The following MPPED2 variants were observed in gnomAD, a reference collection of about 807,000 sequenced individuals.
MPPED2 encodes the protein metallophosphoesterase MPPED2.
Under a neutral mutation model 33.0 loss-of-function variants are expected in MPPED2, and 5 were observed. That is an observed-to-expected ratio of 0.15 (90% CI 0.08 to 0.32). The LOEUF (loss-of-function observed/expected upper bound fraction) is 0.32, where lower values mean the gene tolerates loss of function less well. Among genes scored for constraint, MPPED2 ranks in the 10% least tolerant of loss-of-function variants. The pLI, the probability that MPPED2 is intolerant of heterozygous loss-of-function variation, is 1.00. For synonymous variants in MPPED2, 136 were observed against 141.9 expected, an observed-to-expected ratio of 0.96 and a Z score of 0.29; for missense variants, 275 against 372.1, an observed-to-expected ratio of 0.74 and a Z score of 2.15.
At chr11:30,560,463 C>A (rs1956189823) in intron 2 of MPPED2, among the ~76,000 whole-genome samples, 1 of 152,092 alleles carries the variant, frequency 6.6e-6, no homozygotes, top group Non-Finnish European at 1.5e-5. Context: ...TCACTTGCTA[C>A]ACGGCATGAG....
At chr11:30,484,419 G>A (rs1590492513) in intron 4 of MPPED2, among the ~76,000 whole-genome samples, 2 of 151,952 alleles carry the variant, frequency 1.3e-5, no homozygotes, top group South Asian at 4.1e-4. Context: ...AAGCAAAACA[G>A]TCTTCCCATA....
intron 4 of MPPED2, among the ~76,000 whole-genome samples, chr11:30,486,523 T>G (rs966214668): frequency 1.3e-5 from 2 of 152,196 alleles, no homozygotes; most frequent in Admixed American, 6.5e-5. Flanking sequence ...CTACTTTGAC[T>G]GCAGCCTTGA....
chr11:30,461,609 G>T (rs1950521054), intron 4 of MPPED2, among the ~76,000 whole-genome samples: 1 of 152,044 alleles, frequency 6.6e-6, no homozygotes, highest in African/African-American at 2.4e-5. Context: ...GCCTGTTGCA[G>T]GATAAAAAGA....
chr11:30,504,657 C>T, intron 3 of MPPED2: 1 of 660,846 alleles, frequency 1.5e-6, no homozygotes. Context: ...AGGGCAAGCT[C>T]TGTCTCTGAC....
exon 7 of MPPED2, chr11:30,385,128 TG>T (rs1295709116): frequency 6.6e-6 from 1 of 152,166 alleles, no homozygotes. Context: ...TTGTAACGTG[TG>T]TGTAAGGGAC....
intron 4 of MPPED2, among the ~76,000 whole-genome samples, chr11:30,421,938 A>G (rs1371767613): frequency 2.0e-5 from 3 of 152,158 alleles, no homozygotes; most frequent in East Asian, 3.8e-4. Flanking sequence ...GTCTTTCCAC[A>G]AGACAGTGGC....
At chr11:30,397,998 T>C (rs1947859753) in intron 6 of MPPED2, among the ~76,000 whole-genome samples, 1 of 152,156 alleles carries the variant, frequency 6.6e-6, no homozygotes, top group African/African-American at 2.4e-5. Flanking sequence ...CTTCCTTGAC[T>C]TTGACCAATT....
chr11:30,554,653 C>A (rs1374817369), intron 2 of MPPED2, among the ~76,000 whole-genome samples: 1 of 151,974 alleles, frequency 6.6e-6, no homozygotes, highest in Non-Finnish European at 1.5e-5. Flanking sequence ...TGCCACGACG[C>A]CCAGCTAATT....
At chr11:30,575,312 C>A (rs1956880019) in intron 2 of MPPED2, among the ~76,000 whole-genome samples, 1 of 152,116 alleles carries the variant, frequency 6.6e-6, no homozygotes, top group East Asian at 1.9e-4. Context: ...AGCTGGTAGA[C>A]AATACCATAT....
chr11:30,487,566 C>T (rs78918820), intron 4 of MPPED2, among the ~76,000 whole-genome samples: 2,760 of 152,156 alleles, frequency 0.018, 85 homozygotes, highest in African/African-American at 0.063. Context: ...ATTGCAACAT[C>T]GACCTCCCAG....
At chr11:30,425,194 G>A (rs1565054480) in intron 4 of MPPED2, among the ~76,000 whole-genome samples, 1 of 152,106 alleles carries the variant, frequency 6.6e-6, no homozygotes. Flanking sequence ...CTACTCATGG[G>A]GGCTTCTTAA....
chr11:30,574,218 G>A (rs1420902721), intron 2 of MPPED2, among the ~76,000 whole-genome samples: 5 of 152,094 alleles, frequency 3.3e-5, no homozygotes, highest in African/African-American at 1.2e-4. Flanking sequence ...TGCCTATAGA[G>A]GTGGACCATT....
At chr11:30,422,888 T>C (rs559714981) in intron 4 of MPPED2, among the ~76,000 whole-genome samples, 1 of 152,108 alleles carries the variant, frequency 6.6e-6, no homozygotes, top group Admixed American at 6.5e-5. Flanking sequence ...GACCAAAGAC[T>C]CAGATGGATG....
At chr11:30,551,503 C>G (rs1026343410) in intron 2 of MPPED2, among the ~76,000 whole-genome samples, 1 of 152,072 alleles carries the variant, frequency 6.6e-6, no homozygotes, top group Non-Finnish European at 1.5e-5. Context: ...AAATAAATTC[C>G]TTTTAAAATA....
chr11:30,495,639 T>C (rs2134209289), intron 3 of MPPED2, 118 bp from the exon 4 acceptor site: 3 of 687,092 alleles, frequency 4.4e-6, no homozygotes, highest in Non-Finnish European at 7.5e-6. Context: ...CAAATTCCTT[T>C]ACATTTCCAT....
intron 4 of MPPED2, among the ~76,000 whole-genome samples, chr11:30,458,530 A>G (rs1344604792): frequency 3.9e-5 from 6 of 152,238 alleles, no homozygotes; most frequent in African/African-American, 1.4e-4. Context: ...AATTAACTGG[A>G]TTTTAATTTA....
intron 6 of MPPED2, among the ~76,000 whole-genome samples, chr11:30,402,646 A>T (rs1038440576): frequency 6.6e-6 from 1 of 152,198 alleles, no homozygotes; most frequent in African/African-American, 2.4e-5. Context: ...TTGGGTCAGG[A>T]CCATTTTCTC....
At chr11:30,517,245 T>C (rs1236230115) in intron 3 of MPPED2, among the ~76,000 whole-genome samples, 1 of 152,154 alleles carries the variant, frequency 6.6e-6, no homozygotes, top group Non-Finnish European at 1.5e-5. Flanking sequence ...TCCAAAAGCA[T>C]TGTTACTGCT....
At chr11:30,534,306 A>G (rs1288127355) in intron 3 of MPPED2, among the ~76,000 whole-genome samples, 1 of 152,218 alleles carries the variant, frequency 6.6e-6, no homozygotes, top group Non-Finnish European at 1.5e-5. Context: ...CTCAAGATTT[A>G]CCAACAATAA....
Sources: gnomAD v4.1 joint callset for allele counts (sites outside exome capture counted in the v4.1 genomes callset) on GRCh38, gnomAD v4.1.1 for gene constraint, MANE v1.5 for transcripts, NCBI Gene and HGNC (gene_info 2026-07-23, HGNC 2026-07-21) for gene names.